The following COG5 variants were observed in gnomAD, a reference collection of about 807,000 sequenced individuals.
The protein encoded by COG5 is component of oligomeric golgi complex 5.
A neutral mutation model predicts 110.4 loss-of-function variants in COG5; 86 were observed. The ratio of observed to expected loss-of-function variants is 0.78; its 90% CI spans 0.65 to 0.93. The LOEUF is 0.93. Ranked by LOEUF, COG5 falls within the 40% of genes least tolerant of loss-of-function variation. The probability of loss-of-function intolerance (pLI) is 0.00; values close to 1 mark genes in which losing one functional copy is unlikely to be tolerated. For missense variants in COG5, 1,077 were observed against 987.0 expected, an observed-to-expected ratio of 1.09 and a Z score of -1.22; for synonymous variants, 360 against 334.6, an observed-to-expected ratio of 1.08 and a Z score of -0.83.
intron 6 of COG5, among the ~76,000 whole-genome samples, chr7:107,420,891 A>G (rs1450792535): frequency 3.9e-5 from 6 of 152,236 alleles, no homozygotes; most frequent in Non-Finnish European, 8.8e-5. Context: ...TTCTCAGGAC[A>G]TGTTCATCTT....
At chr7:107,515,310 C>A (rs1030212721) in intron 6 of COG5, among the ~76,000 whole-genome samples, 1 of 151,908 alleles carries the variant, frequency 6.6e-6, no homozygotes, top group African/African-American at 2.4e-5. Context: ...AACTAAAAAT[C>A]TTGCTAGATA....
At chr7:107,396,156 G>T (rs1027406635) in intron 7 of COG5, among the ~76,000 whole-genome samples, 2 of 152,144 alleles carry the variant, frequency 1.3e-5, no homozygotes, top group East Asian at 3.9e-4. Context: ...CTAGAAGACT[G>T]AAAACTTAAT....
intron 8 of COG5, 79 bp from the exon 9 acceptor site, chr7:107,362,499 C>CAT: frequency 1.2e-6 from 1 of 848,446 alleles, no homozygotes; most frequent in Non-Finnish European, 1.9e-6. Flanking sequence ...TTATAAAAAC[C>CAT]ATACGCAAGC....
At chr7:107,525,553 C>CTT (rs11465057) in intron 6 of COG5, among the ~76,000 whole-genome samples, 4,796 of 146,318 alleles carry the variant, frequency 0.033, 132 homozygotes, top group African/African-American at 0.075. Context: ...TTAAAGTTAA[C>CTT]TTTTTTTTTT....
intron 6 of COG5, among the ~76,000 whole-genome samples, chr7:107,450,534 G>A (rs74524528): frequency 0.15 from 22,525 of 152,206 alleles, 2,096 homozygotes; most frequent in Non-Finnish European, 0.2. Context: ...TGCCTGAACA[G>A]GTTTTTAATG....
At chr7:107,359,845 G>A (rs1231725177) in intron 10 of COG5, among the ~76,000 whole-genome samples, 1 of 151,928 alleles carries the variant, frequency 6.6e-6, no homozygotes, top group East Asian at 1.9e-4. Context: ...AGGATGACCA[G>A]CTTGCAGATG....
At chr7:107,315,919 T>C (rs1808689638) in intron 11 of COG5, among the ~76,000 whole-genome samples, 1 of 152,226 alleles carries the variant, frequency 6.6e-6, no homozygotes, top group African/African-American at 2.4e-5. Context: ...GTCTACATAT[T>C]GTATGTTTCC....
intron 5 of COG5, among the ~76,000 whole-genome samples, chr7:107,533,638 C>G (rs927552076): frequency 1.3e-5 from 2 of 151,602 alleles, no homozygotes; most frequent in African/African-American, 4.9e-5. Flanking sequence ...AAAGAACAAA[C>G]AAAGCCTCCA....
At chr7:107,389,386 G>A (rs1790450261) in intron 7 of COG5, among the ~76,000 whole-genome samples, 2 of 152,176 alleles carry the variant, frequency 1.3e-5, no homozygotes, top group South Asian at 2.1e-4. Context: ...TTCTCCCACT[G>A]TATGTAAATT....
intron 14 of COG5, among the ~76,000 whole-genome samples, chr7:107,273,138 G>A (rs1382358908): frequency 6.6e-6 from 1 of 152,046 alleles, no homozygotes; most frequent in African/African-American, 2.4e-5. Flanking sequence ...CTGGTAGCTG[G>A]TGTCACACTG....
chr7:107,359,432 G>A (rs772830332), intron 10 of COG5, among the ~76,000 whole-genome samples: 1 of 152,124 alleles, frequency 6.6e-6, no homozygotes, highest in Non-Finnish European at 1.5e-5. Flanking sequence ...GTGCCCCGTG[G>A]CATGAACAGC....
intron 17 of COG5, among the ~76,000 whole-genome samples, chr7:107,241,395 T>C (rs1276998449): frequency 2.0e-5 from 3 of 147,920 alleles, no homozygotes; most frequent in Non-Finnish European, 4.5e-5. Flanking sequence ...CTGTGCTTCA[T>C]ATATATATAT....
chr7:107,324,369 G>T, intron 11 of COG5, 71 bp downstream of exon 11: 1 of 995,438 alleles, frequency 1.0e-6, no homozygotes, highest in Non-Finnish European at 1.6e-6. Flanking sequence ...ATACAGCAAA[G>T]CTTCTTGACA....
At chr7:107,514,216 A>T (rs1158962661) in intron 6 of COG5, among the ~76,000 whole-genome samples, 1 of 152,076 alleles carries the variant, frequency 6.6e-6, no homozygotes, top group African/African-American at 2.4e-5. Flanking sequence ...TACTTTTAAA[A>T]AATGATTCTT....
At chr7:107,508,483 T>A (rs2520251) in intron 6 of COG5, among the ~76,000 whole-genome samples, 40,472 of 152,134 alleles carry the variant, frequency 0.27, 5,511 homozygotes, top group East Asian at 0.33. Context: ...AAGACAGCAG[T>A]AACCTCTGCA....
At chr7:107,385,750 C>G (rs1371726919) in intron 7 of COG5, among the ~76,000 whole-genome samples, 1 of 150,418 alleles carries the variant, frequency 6.6e-6, no homozygotes, top group East Asian at 1.9e-4. Context: ...GAGTTATCAA[C>G]AACAGTGCAG....
intron 1 of COG5, among the ~76,000 whole-genome samples, chr7:107,559,823 A>C (rs538710420): frequency 6.6e-6 from 1 of 152,364 alleles, no homozygotes; most frequent in East Asian, 1.9e-4. Context: ...GCCATGGCAT[A>C]TTTTGAGAAA....
chr7:107,540,052 A>G (rs910503665), intron 5 of COG5, among the ~76,000 whole-genome samples: 2 of 152,198 alleles, frequency 1.3e-5, no homozygotes, highest in Non-Finnish European at 2.9e-5. Flanking sequence ...GAAAGCCAAA[A>G]AAGCTAGTGT....
rs139849881 is a variant in COG5, at chr7:107,393,407, C to T, written c.669+19095G>A. 9.4e-3 allele frequency among the ~76,000 whole-genome samples: 1,436 copies of T among 152,340 alleles called. 23 individuals carry two copies. Among genetic ancestry groups the T allele is most frequent in the African/African-American group, 0.032 (1,337 of 41,570 alleles). Reference sequence around the variant, plus strand: ...AGTATACTCCAAGAAGACACTTTCTCCCCGTGATCAATAACACCTTATGAG... The same window carrying T: ...AGTATACTCCAAGAAGACACTTTCTTCCCGTGATCAATAACACCTTATGAG... On this transcript the variant is annotated intron_variant, in intron 7 of 21. Coordinates refer to ENST00000297135, the MANE Select transcript of COG5 (RefSeq NM_006348.5).
Sources: gnomAD v4.1 joint callset for allele counts (sites outside exome capture counted in the v4.1 genomes callset) on GRCh38, gnomAD v4.1.1 for gene constraint, MANE v1.5 for transcripts, NCBI Gene and HGNC (gene_info 2026-07-23, HGNC 2026-07-21) for gene names.